The following VAMP7 variants were observed in gnomAD, a reference collection of about 807,000 sequenced individuals.
VAMP7 encodes the protein vesicle associated membrane protein 7, also known as vesicle-associated membrane protein 7.
A neutral mutation model predicts 29.6 loss-of-function variants in VAMP7; 14 were observed. The ratio of observed to expected loss-of-function variants is 0.47; its 90% confidence interval spans 0.31 to 0.74. The LOEUF (loss-of-function observed/expected upper bound fraction) is 0.74. Among genes scored for constraint, VAMP7 ranks in the 30% least tolerant of loss-of-function variants. The pLI is 0.05. For synonymous variants in VAMP7, 95 were observed against 88.1 expected (o/e 1.08, Z -0.44); for missense variants, 223 against 262.4 (o/e 0.85, Z 1.04).
chrX:155,923,628 A>T, intron 6 of VAMP7, among the ~76,000 whole-genome samples: 1 of 151,566 alleles, frequency 6.6e-6, no homozygotes, highest in East Asian at 1.9e-4. Context: ...CATTGGTTTT[A>T]AGAAATTTGA....
At chrX:155,903,094 T>C (rs1281483433) in intron 5 of VAMP7, among the ~76,000 whole-genome samples, 3 of 152,116 alleles carry the variant, frequency 2.0e-5, no homozygotes, top group African/African-American at 4.8e-5. Context: ...TGGTTTAGTC[T>C]TGGGAGGGTG....
chrX:155,883,560 T>C (rs2065829290), intron 1 of VAMP7, among the ~76,000 whole-genome samples: 1 of 152,194 alleles, frequency 6.6e-6, no homozygotes, highest in African/African-American at 2.4e-5. Flanking sequence ...AATATAATGA[T>C]ACAGAATACT....
chrX:155,885,071 G>C (rs1484728972), intron 1 of VAMP7, among the ~76,000 whole-genome samples: 2 of 152,110 alleles, frequency 1.3e-5, no homozygotes, highest in Non-Finnish European at 2.9e-5. Context: ...TTTTAATTTA[G>C]TGGACTCGAA....
chrX:155,939,639 G>T, intron 6 of VAMP7, 62 bp from the exon 7 acceptor site: 2 of 1,171,114 alleles, frequency 1.7e-6, no homozygotes, highest in Non-Finnish European at 2.6e-6. Flanking sequence ...TTCTCAGGTT[G>T]TTACTGCAAA....
At chrX:155,909,000 G>T (rs376957078) in intron 5 of VAMP7, among the ~76,000 whole-genome samples, 25 of 151,848 alleles carry the variant, frequency 1.6e-4, no homozygotes, top group Admixed American at 3.9e-4. Flanking sequence ...TTGTTTTTTG[G>T]TTTTTTTGTA....
At chrX:155,895,701 T>C (rs1186652003) in intron 3 of VAMP7, 21 bp downstream of exon 3, 3 of 1,600,912 alleles carry the variant, frequency 1.9e-6, no homozygotes, top group Middle Eastern at 1.7e-4. Flanking sequence ...TGAAGACATA[T>C]TGCTATTTAA....
chrX:155,895,555 G>C, intron 2 of VAMP7, 68 bp from the exon 3 acceptor site: 1 of 1,190,470 alleles, frequency 8.4e-7, no homozygotes, highest in Non-Finnish European at 1.2e-6. Flanking sequence ...CTTATACATA[G>C]ATAGAAGATA....
rs192532348 is a variant in VAMP7, at chrX:155,891,344, C to T, written c.146+1732C>T. 2.2e-4 allele frequency among the ~76,000 whole-genome samples: 33 copies of T among 152,272 alleles called. 1 individual carries two copies. In the East Asian group the frequency reaches 6.4e-3, roughly 29 times the overall value. ...TTCCCAAACATAGAATACGCCTCTTCTCTGAGAGAGGTAGCTCCAAAGACC... is the reference window on the plus strand; with the variant it reads ...TTCCCAAACATAGAATACGCCTCTTTTCTGAGAGAGGTAGCTCCAAAGACC... On this transcript the variant is annotated intron_variant, in intron 2 of 7. Coordinates refer to ENST00000286448, the MANE Select transcript of VAMP7 (RefSeq NM_005638.6).
chrX:155,934,091 A>G (rs1249235768), intron 6 of VAMP7, among the ~76,000 whole-genome samples: 1 of 152,138 alleles, frequency 6.6e-6, no homozygotes, highest in Non-Finnish European at 1.5e-5. Flanking sequence ...CTGTTCTTTT[A>G]CATTTGCTGA....
intron 6 of VAMP7, among the ~76,000 whole-genome samples, chrX:155,931,169 A>G (rs1284742598): frequency 6.6e-6 from 1 of 152,208 alleles, no homozygotes; most frequent in Non-Finnish European, 1.5e-5. Context: ...CACGATAAAC[A>G]TACGTGTGCA....
intron 2 of VAMP7, among the ~76,000 whole-genome samples, chrX:155,890,596 G>C (rs2065915410): frequency 6.6e-6 from 1 of 151,814 alleles, no homozygotes; most frequent in African/African-American, 2.4e-5. Flanking sequence ...CCTGACCTCA[G>C]GTGATTCGCC....
chrX:155,931,563 T>G (rs778637970), intron 6 of VAMP7, among the ~76,000 whole-genome samples: 147 of 152,326 alleles, frequency 9.7e-4, no homozygotes, highest in Admixed American at 4.3e-3. Context: ...GGGTTGTTTG[T>G]TTCTTTTCTT....
chrX:155,905,724 C>G (rs1431127379), intron 5 of VAMP7, among the ~76,000 whole-genome samples: 1 of 152,152 alleles, frequency 6.6e-6, no homozygotes, highest in African/African-American at 2.4e-5. Flanking sequence ...GGATGTATAG[C>G]TTTGTTTCTG....
At chrX:155,909,364 CT>C (rs1276644011) in intron 5 of VAMP7, among the ~76,000 whole-genome samples, 1 of 151,992 alleles carries the variant, frequency 6.6e-6, no homozygotes, top group East Asian at 1.9e-4. Context: ...TAAGTTTTTT[CT>C]GTTTTACTTG....
intron 6 of VAMP7, among the ~76,000 whole-genome samples, chrX:155,928,635 G>A (rs1477593371): frequency 2.0e-5 from 3 of 152,104 alleles, no homozygotes; most frequent in African/African-American, 7.2e-5. Context: ...GATAATCCAG[G>A]ATACTCTCTT....
intron 7 of VAMP7, 89 bp from the exon 8 acceptor site, chrX:155,941,794 T>G: frequency 7.2e-7 from 1 of 1,393,528 alleles, no homozygotes; most frequent in Non-Finnish European, 9.7e-7. Flanking sequence ...TCAGAAGTAT[T>G]TCTTAATAAG....
At chrX:155,928,765 T>C (rs1327904650) in intron 6 of VAMP7, among the ~76,000 whole-genome samples, 1 of 152,192 alleles carries the variant, frequency 6.6e-6, no homozygotes. Context: ...TTAACAATTG[T>C]TCTTTATAGG....
chrX:155,943,656 T>C lies in VAMP7; in HGVS notation c.*1705T>C, dbSNP rs2066779567. ...TGATGTGCATGTTTTAGGGATCAAT[T>C]ACCTAACTGTTCCTTGGTCTATTTA... On this transcript the variant is annotated 3_prime_UTR_variant, in exon 8 of 8. Coordinates refer to ENST00000286448, the MANE Select transcript of VAMP7 (RefSeq NM_005638.6). 6.6e-6 allele frequency: 1 copy of C among 152,196 alleles called. No homozygotes were observed. The highest frequency in any genetic ancestry group is 1.5e-5 in the Non-Finnish European group (1 of 68,014). 9.4% of individuals were successfully genotyped at this position (152,196 alleles called of 1,614,324 possible).
In VAMP7 at chrX:155,900,519, G is replaced by A. The variant is rs1259689536; in HGVS notation, c.365G>A (p.Gly122Asp). ...TAGAAGCATCACTCTGAGAATAAGGGCCTAGACAAAGTGATGGAGACTCAA... is the reference window on the plus strand; with the variant it reads ...TAGAAGCATCACTCTGAGAATAAGGACCTAGACAAAGTGATGGAGACTCAA... ...AQLKHHSENKGLDKVMETQAQ... is the reference protein window; with the variant it reads ...AQLKHHSENKDLDKVMETQAQ... The change falls in exon 5 of 8, where the codon GGC (glycine) becomes GAC (aspartate). Residue 122 changes from glycine (G) to aspartate (D), a missense_variant. Coordinates refer to ENST00000286448, the MANE Select transcript of VAMP7 (RefSeq NM_005638.6). 1.9e-6 allele frequency: 3 copies of A among 1,610,382 alleles called. No homozygotes were observed. Among genetic ancestry groups the A allele is most frequent in the East Asian group, 2.2e-5 (1 of 44,760 alleles).
Sources: gnomAD v4.1 joint callset for allele counts (sites outside exome capture counted in the v4.1 genomes callset) on GRCh38, gnomAD v4.1.1 for gene constraint, MANE v1.5 for transcripts, NCBI Gene and HGNC (gene_info 2026-07-23, HGNC 2026-07-21) for gene names.